The following PLXNA1 variants were observed in gnomAD, a reference collection of about 807,000 sequenced individuals.
PLXNA1 encodes plexin A1.
PLXNA1 carries 77 observed loss-of-function variants against 191.7 expected under a neutral mutation model. The ratio of observed to expected loss-of-function variants is 0.40; its 90% confidence interval spans 0.33 to 0.49. The LOEUF (loss-of-function observed/expected upper bound fraction) is 0.49, where lower values mean the gene tolerates loss of function less well. Among genes scored for constraint, PLXNA1 ranks in the 20% least tolerant of loss-of-function variants. The pLI is 0.63. For synonymous variants in PLXNA1, 1,137 were observed against 1,156.4 expected, an observed-to-expected ratio of 0.98 and a Z score of 0.34; for missense variants, 2,110 against 2,660.2, an observed-to-expected ratio of 0.79 and a Z score of 4.55.
chr3:127,012,293 C>A, intron 10 of PLXNA1, 135 bp downstream of exon 10: 1 of 915,800 alleles, frequency 1.1e-6, no homozygotes, highest in Non-Finnish European at 1.6e-6. Context: ...GAGTCAGAAG[C>A]CACTCCTGGC....
chr3:127,020,451 C>G, intron 21 of PLXNA1, 107 bp downstream of exon 21: 2 of 1,381,288 alleles, frequency 1.4e-6, no homozygotes, highest in South Asian at 2.7e-5. Context: ...GCCTGTGTGG[C>G]CTGGGGGAGG....
At chr3:127,006,433 C>G (rs868132426) in intron 8 of PLXNA1, among the ~76,000 whole-genome samples, 1 of 152,188 alleles carries the variant, frequency 6.6e-6, no homozygotes, top group Non-Finnish European at 1.5e-5. Context: ...CTGGGGCAGG[C>G]GTACCAGGAA....
chr3:127,007,734 C>T (rs2079075640), intron 8 of PLXNA1, 65 bp from the exon 9 acceptor site: 1 of 997,434 alleles, frequency 1.0e-6, no homozygotes, highest in Non-Finnish European at 1.6e-6. Context: ...CAGTGTCCTT[C>T]TGATCATGGG....
chr3:126,993,187 C>T (rs752334837), intron 3 of PLXNA1, among the ~76,000 whole-genome samples: 1 of 152,244 alleles, frequency 6.6e-6, no homozygotes, highest in Non-Finnish European at 1.5e-5. Flanking sequence ...CCTCCTCACC[C>T]CAGTCCCACA....
In PLXNA1 at chr3:127,011,947, C is replaced by T. The variant is rs776003789; in HGVS notation, c.2113-11C>T. ...CGCCCCCGGGCTCAGCCAAACTCTT[C>T]TTATCCCCAGGACTGCCCACAGATC... On this transcript the variant is annotated splice_polypyrimidine_tract_variant and intron_variant, in intron 9 of 31. Coordinates refer to ENST00000393409, the MANE Select transcript of PLXNA1 (RefSeq NM_032242.4). 3 of 1,609,556 alleles carry T rather than the reference C, an allele frequency of 1.9e-6. No individual in the cohort carries two copies. The East Asian group carries it at 6.7e-5, about 36-fold the overall frequency.
At chr3:127,021,136 T>C (rs942103960) in intron 21 of PLXNA1, among the ~76,000 whole-genome samples, 17 of 151,972 alleles carry the variant, frequency 1.1e-4, no homozygotes, top group African/African-American at 3.9e-4. Context: ...TGGTGGGAAG[T>C]CCCTTTTGAG....
intron 3 of PLXNA1, among the ~76,000 whole-genome samples, chr3:126,996,137 C>A (rs2079013857): frequency 6.6e-6 from 1 of 152,188 alleles, no homozygotes; most frequent in Non-Finnish European, 1.5e-5. Flanking sequence ...CTTAGGAGGC[C>A]TGTGGCATTA....
chr3:126,998,603 A>C (rs9856611), intron 3 of PLXNA1, among the ~76,000 whole-genome samples: 12,034 of 152,282 alleles, frequency 0.079, 595 homozygotes, highest in South Asian at 0.21. Context: ...GCAGCTGTGC[A>C]CATCTGCCCC....
chr3:126,994,544 G>A (rs1440476148), intron 3 of PLXNA1, among the ~76,000 whole-genome samples: 3 of 152,132 alleles, frequency 2.0e-5, no homozygotes, highest in Non-Finnish European at 2.9e-5. Context: ...GCCTGGGTTC[G>A]AGTCCTACTC....
At position 127,016,999 on chromosome 3, in the gene PLXNA1, C is replaced by G. The variant is rs777711019; in HGVS notation, c.3238C>G (p.Arg1080Gly). 1 of 1,613,512 alleles carries G rather than the reference C, an allele frequency of 6.2e-7. No homozygotes were observed. Among genetic ancestry groups the G allele is most frequent in the Admixed American group, 1.7e-5 (1 of 60,010 alleles). Residue 1080 changes from arginine to glycine, a missense_variant, in exon 17 of 32, where the codon CGA (arginine) becomes GGA (glycine). By Grantham distance (125) the Arg-to-Gly change is moderately radical. This residue lies in a region of PLXNA1 where 644 missense variants were observed against 714.3 expected (regional missense o/e 0.90). Coordinates refer to ENST00000393409, the MANE Select transcript of PLXNA1 (RefSeq NM_032242.4). ...CAACCTGGCCACTGTCCGTGAACCC[C>G]GAATCCGGGCCAAGTATGGAGGCAT... ...GTNLATVREP[R>G]IRAKYGGIER...
At position 127,003,366 on chromosome 3, in the gene PLXNA1, G is replaced by T. The variant is rs757547337; in HGVS notation, c.1414G>T (p.Ala472Ser). The T allele has an allele frequency of 6.2e-7, 1 of 1,611,144 alleles. No individual in the cohort carries two copies. Among genetic ancestry groups the T allele is most frequent in the Middle Eastern group, 1.7e-4 (1 of 6,056 alleles). ...VDLSNPGGRP[A>S]LAYESVVAQE... ...CCTCTCAAACCCCGGTGGCCGGCCT[G>T]CCCTGGCCTACGAGAGCGTCGTGGC... Residue 472 changes from alanine (A) to serine (S), a missense_variant, in exon 4 of 32, where the codon GCC becomes TCC. Ala to Ser is a moderately conservative substitution (Grantham distance 99, BLOSUM62 1). Transcript: ENST00000393409.
chr3:126,988,984 G>A lies in PLXNA1; in HGVS notation c.391G>A (p.Gly131Ser). 6.2e-7 allele frequency: 1 copy of A among 1,613,224 alleles called. No individual in the cohort carries two copies. The change falls in exon 2 of 32, where the codon GGC (glycine) becomes AGC (serine). Residue 131 changes from glycine to serine, a missense_variant. Physicochemically the swap from Gly to Ser is moderately conservative, Grantham distance 56 (BLOSUM62 0). Around this residue, in one of 4 missense-constraint regions of PLXNA1, gnomAD observed 903 missense variants for 1,015.7 expected, o/e 0.89. Coordinates refer to ENST00000393409, the MANE Select transcript of PLXNA1 (RefSeq NM_032242.4). ...DYAANRLLAC[G>S]SASQGICQFL... ...TGCCGCTAACCGCCTGCTGGCCTGT[G>A]GCAGCGCCTCCCAGGGCATCTGCCA...
chr3:126,985,114 TG>T (rs1005731879), intron 1 of PLXNA1, among the ~76,000 whole-genome samples: 3 of 152,118 alleles, frequency 2.0e-5, no homozygotes, highest in African/African-American at 7.2e-5. Context: ...CAGGAGGACT[TG>T]GGGGGATTGG....
At chr3:127,010,420 C>T (rs55792275) in intron 9 of PLXNA1, among the ~76,000 whole-genome samples, 15,876 of 152,020 alleles carry the variant, frequency 0.1, 909 homozygotes, top group Middle Eastern at 0.22. Flanking sequence ...CTCAGTGGGC[C>T]GCATGGGTGC....
intron 9 of PLXNA1, 49 bp downstream of exon 9, chr3:127,007,962 C>A: frequency 7.6e-7 from 1 of 1,311,416 alleles, no homozygotes; most frequent in Non-Finnish European, 1.1e-6. Flanking sequence ...TGGAGCAGAA[C>A]TGGGTTGAGA....
chr3:126,995,199 C>A (rs1053899769), intron 3 of PLXNA1, among the ~76,000 whole-genome samples: 1 of 152,172 alleles, frequency 6.6e-6, no homozygotes, highest in Non-Finnish European at 1.5e-5. Context: ...CCCTGTCCCC[C>A]CTCCTTTCAC....
At chr3:127,019,875 G>A (rs184102118) in intron 20 of PLXNA1, among the ~76,000 whole-genome samples, 14 of 152,174 alleles carry the variant, frequency 9.2e-5, no homozygotes, top group African/African-American at 2.4e-4. Flanking sequence ...ACCTCACAGC[G>A]GGTGGAAGGA....
chr3:126,983,170 GC>G lies in PLXNA1; in HGVS notation c.-189del, dbSNP rs1345341566. ...GCAGCGGAGCCCGGGCGCGGCGGCG[GC>G]CTCGGCCTGGGCGGCCTACGCGGCT... is the stretch of plus-strand genomic sequence containing the variant. On this transcript the variant is annotated 5_prime_UTR_variant, in exon 1 of 32. The change creates a premature stop within an existing upstream ORF in the 5' untranslated region. Coordinates refer to ENST00000393409, the MANE Select transcript of PLXNA1 (RefSeq NM_032242.4). Among the ~76,000 whole-genome samples, 1 of 145,046 alleles carries G rather than the reference GC, an allele frequency of 6.9e-6. No individual in the cohort carries two copies. Among genetic ancestry groups the G allele is most frequent in the African/African-American group, 2.5e-5 (1 of 40,528 alleles).
chr3:127,001,432 G>C (rs1366433066), intron 3 of PLXNA1, among the ~76,000 whole-genome samples: 1 of 152,230 alleles, frequency 6.6e-6, no homozygotes, highest in Non-Finnish European at 1.5e-5. Flanking sequence ...TCTGCTACCA[G>C]GGGCAAGAGG....
Sources: allele counts gnomAD v4.1 joint callset (sites outside exome capture counted in the v4.1 genomes callset), GRCh38; gene constraint gnomAD v4.1.1; regional missense constraint gnomAD v4.1.1; transcripts MANE v1.5; gene names NCBI Gene and HGNC (gene_info 2026-07-23, HGNC 2026-07-21).